Variants in SLC25A40 observed in about 807,000 individuals in gnomAD.
SLC25A40 encodes the protein solute carrier family 25 member 40.
A neutral mutation model predicts 46.5 loss-of-function variants in SLC25A40; 41 were observed. The observed-to-expected ratio is 0.88, with a 90% confidence interval of 0.69 to 1.14. The LOEUF (loss-of-function observed/expected upper bound fraction) is 1.14. Among genes scored for constraint, SLC25A40 ranks in the 50% most tolerant of loss-of-function variants. SLC25A40 has a pLI of 0.00. For missense variants in SLC25A40, 386 were observed against 393.6 expected (o/e 0.98, Z 0.16); for synonymous variants, 126 against 127.5 (o/e 0.99, Z 0.08).
chr7:87,850,000 T>C (rs774336971), intron 5 of SLC25A40, 52 bp from the exon 6 acceptor site: 3 of 1,154,922 alleles, frequency 2.6e-6, no homozygotes, highest in East Asian at 5.4e-5. Context: ...AAACCTTTTA[T>C]ACAAAAATTT....
chr7:87,846,348 T>A (rs1465182487), intron 8 of SLC25A40, among the ~76,000 whole-genome samples: 1 of 152,182 alleles, frequency 6.6e-6, no homozygotes, highest in Non-Finnish European at 1.5e-5. Context: ...TAAGTATTTC[T>A]TTTGGGTCTT....
Position 87,834,980 on chromosome 7 carries a change from G to A in SLC25A40, c.*1269C>T, listed in dbSNP as rs1276945292. 1 of 151,168 alleles carries A rather than the reference G, an allele frequency of 6.6e-6. No homozygotes were observed. The highest frequency in any genetic ancestry group is 1.5e-5 in the Non-Finnish European group (1 of 67,560). 9.4% of individuals were successfully genotyped at this position (151,168 alleles called of 1,614,324 possible). A position where few individuals can be genotyped will look rare whatever the true frequency, so the allele number is the denominator to read the frequency against. On this transcript the variant is annotated 3_prime_UTR_variant, in exon 12 of 12. Coordinates refer to ENST00000341119, the MANE Select transcript of SLC25A40 (RefSeq NM_018843.4). The stretch of plus-strand genomic sequence containing the variant: ...TCCTACTATAGTACAAAATCAATTA[G>A]TTCCTCTACCAGCACTAAAGACTTG...
chr7:87,870,459 A>T (rs996863679), intron 1 of SLC25A40, among the ~76,000 whole-genome samples: 1 of 152,200 alleles, frequency 6.6e-6, no homozygotes. Context: ...CAAGAGGCAG[A>T]TAAATTCTGG....
At chr7:87,840,078 G>A (rs1266395949) in intron 10 of SLC25A40, among the ~76,000 whole-genome samples, 1 of 151,726 alleles carries the variant, frequency 6.6e-6, no homozygotes, top group Non-Finnish European at 1.5e-5. Flanking sequence ...GTTCATAGCT[G>A]AAGTAGGCTA....
intron 10 of SLC25A40, 25 bp downstream of exon 10, chr7:87,841,608 A>C: frequency 7.2e-7 from 1 of 1,385,768 alleles, no homozygotes; most frequent in Non-Finnish European, 9.6e-7. Flanking sequence ...GCATCTTAAA[A>C]ATATTTTAAA....
chr7:87,858,552 G>T, intron 3 of SLC25A40, 79 bp downstream of exon 3: 1 of 799,702 alleles, frequency 1.3e-6, no homozygotes. Context: ...AAACTACGTT[G>T]AAATACTGAT....
At chr7:87,864,395 A>AAACT (rs1838756211) in intron 1 of SLC25A40, among the ~76,000 whole-genome samples, 1 of 152,248 alleles carries the variant, frequency 6.6e-6, no homozygotes, top group South Asian at 2.1e-4. Context: ...GGATTAGTGT[A>AAACT]AACTATATCC....
rs768656496 is a variant in SLC25A40 at position 87,858,611 on chromosome 7, C to T, written c.97+20G>A. The T allele has an allele frequency of 1.5e-6, 2 of 1,310,978 alleles. No homozygotes were observed. The highest frequency in any genetic ancestry group is 1.2e-5 in the South Asian group (1 of 84,788). 81.2% of individuals were successfully genotyped at this position (1,310,978 alleles called of 1,614,324 possible). A position where few individuals can be genotyped will look rare whatever the true frequency, so the allele number is the denominator to read the frequency against. ...GACTCATTCAAAGTTACATAATCTACATCAGTAACATAATTTTACCTATTA... is the reference window on the plus strand; with the variant it reads ...GACTCATTCAAAGTTACATAATCTATATCAGTAACATAATTTTACCTATTA... On this transcript the variant is annotated intron_variant, in intron 3 of 11. Coordinates refer to ENST00000341119, the MANE Select transcript of SLC25A40 (RefSeq NM_018843.4).
chr7:87,869,411 C>T (rs1240816954), intron 1 of SLC25A40, among the ~76,000 whole-genome samples: 7 of 151,836 alleles, frequency 4.6e-5, no homozygotes, highest in Admixed American at 4.6e-4. Flanking sequence ...ACCTCTAGTC[C>T]CAGCTACATG....
intron 3 of SLC25A40, among the ~76,000 whole-genome samples, chr7:87,856,746 A>G (rs1838621608): frequency 6.6e-6 from 1 of 152,188 alleles, no homozygotes; most frequent in Non-Finnish European, 1.5e-5. Flanking sequence ...TGTTAAATTT[A>G]CCTGTATCAA....
intron 10 of SLC25A40, among the ~76,000 whole-genome samples, chr7:87,839,951 C>T (rs542616555): frequency 6.6e-6 from 1 of 151,832 alleles, no homozygotes; most frequent in Admixed American, 6.6e-5. Flanking sequence ...CTAAATGGAG[C>T]TGAGTTACTT....
chr7:87,857,763 A>G (rs1437800157), intron 3 of SLC25A40, among the ~76,000 whole-genome samples: 14 of 152,262 alleles, frequency 9.2e-5, no homozygotes. Context: ...TGTTTGAACA[A>G]TATGAAATAA....
chr7:87,870,552 T>A (rs1264023055), intron 1 of SLC25A40, among the ~76,000 whole-genome samples: 1 of 152,048 alleles, frequency 6.6e-6, no homozygotes, highest in East Asian at 1.9e-4. Flanking sequence ...ATCCCTGTTT[T>A]CCCACTTGAA....
intron 10 of SLC25A40, among the ~76,000 whole-genome samples, chr7:87,837,851 T>TA (rs902148936): frequency 1.3e-5 from 2 of 151,524 alleles, no homozygotes; most frequent in African/African-American, 4.8e-5. Flanking sequence ...TCTAGCTTTT[T>TA]AGAGTGGCTA....
chr7:87,846,868 A>G, intron 8 of SLC25A40, 81 bp downstream of exon 8: 1 of 1,185,824 alleles, frequency 8.4e-7, no homozygotes, highest in Non-Finnish European at 1.1e-6. Context: ...AATGGTAAAG[A>G]GTTAAAAATC....
At chr7:87,846,822 G>C in intron 8 of SLC25A40, 127 bp downstream of exon 8, 2 of 608,768 alleles carry the variant, frequency 3.3e-6, no homozygotes, top group East Asian at 6.3e-5. Flanking sequence ...CAATGAAAAA[G>C]GAGTTTGTGG....
intron 1 of SLC25A40, among the ~76,000 whole-genome samples, 164 bp downstream of exon 1, chr7:87,875,932 T>C (rs961811836): frequency 1.3e-5 from 2 of 152,208 alleles, no homozygotes; most frequent in Non-Finnish European, 2.9e-5. Context: ...AAAACCCCGC[T>C]TGCTGTGCGA....
chr7:87,834,905 T>C lies in SLC25A40; in HGVS notation c.*1344A>G, dbSNP rs1838236344. On this transcript the variant is annotated 3_prime_UTR_variant, in exon 12 of 12. Coordinates refer to ENST00000341119, the MANE Select transcript of SLC25A40 (RefSeq NM_018843.4). ...ATCAACATAGGATAAACACAGAAGA[T>C]TACATACAAACCCTACATATTTTAT... 1 of 151,554 alleles carries C rather than the reference T, an allele frequency of 6.6e-6. No homozygotes were observed. Among genetic ancestry groups the C allele is most frequent in the Non-Finnish European group, 1.5e-5 (1 of 67,698 alleles). The allele number at this position is 151,554 out of a possible 1,614,324, so 9.4% of individuals were successfully genotyped here.
rs145715765 is a variant in SLC25A40 at position 87,847,036 on chromosome 7, A to G, written c.544T>C (p.Phe182Leu). ...KKFSYVELHRFVSKKVSEDGW... is the reference protein window; with the variant it reads ...KKFSYVELHRLVSKKVSEDGW... Reference sequence around the variant, plus strand: ...TCTTCAGATACTTTCTTGCTGACAAATCGATGCAGTTCCACGTAAGAAAAC... The same window carrying G: ...TCTTCAGATACTTTCTTGCTGACAAGTCGATGCAGTTCCACGTAAGAAAAC... The change falls in exon 8 of 12, where the codon TTT becomes CTT. Residue 182 changes from phenylalanine to leucine, a missense_variant. By Grantham distance (22) the Phe-to-Leu change is conservative. Transcript: ENST00000341119. 6.2e-7 allele frequency: 1 copy of G among 1,613,900 alleles called. No individual in the cohort carries two copies. Among genetic ancestry groups the G allele is most frequent in the South Asian group, 1.1e-5 (1 of 91,068 alleles).
Sources: allele counts gnomAD v4.1 joint callset (sites outside exome capture counted in the v4.1 genomes callset), GRCh38; gene constraint gnomAD v4.1.1; transcripts MANE v1.5; gene names NCBI Gene and HGNC (gene_info 2026-07-23, HGNC 2026-07-21).